SGCD: variants seen among roughly 807,000 people sequenced by gnomAD.
SGCD encodes delta-sarcoglycan.
SGCD carries 18 observed loss-of-function variants against 36.6 expected under a neutral mutation model. That is an observed-to-expected ratio of 0.49 (90% CI 0.34 to 0.73). The LOEUF (loss-of-function observed/expected upper bound fraction) is 0.73. SGCD is among the 30% of genes least tolerant of loss of function. The probability of loss-of-function intolerance (pLI) is 0.01; values close to 1 mark genes in which losing one functional copy is unlikely to be tolerated. For synonymous variants in SGCD, 133 were observed against 130.6 expected, an observed-to-expected ratio of 1.02 and a Z score of -0.12; for missense variants, 387 against 346.7, an observed-to-expected ratio of 1.12 and a Z score of -0.92.
At chr5:156,154,798 A>AT (rs1263328173) in intron 3 of SGCD, among the ~76,000 whole-genome samples, 1 of 151,608 alleles carries the variant, frequency 6.6e-6, no homozygotes, top group Admixed American at 6.5e-5. Context: ...TGATAGAAGT[A>AT]TTTTTTTCAC....
chr5:156,472,771 G>A (rs1177179721), intron 3 of SGCD, among the ~76,000 whole-genome samples: 1 of 152,100 alleles, frequency 6.6e-6, no homozygotes, highest in East Asian at 1.9e-4. Flanking sequence ...AAAGAAACAA[G>A]ACACCAAAGA....
At chr5:155,754,338 AAG>A in the SGCD span, among the ~76,000 whole-genome samples, 1 of 152,238 alleles carries the variant, frequency 6.6e-6, no homozygotes, top group African/African-American at 2.4e-5. Flanking sequence ...GACTATAATT[AAG>A]AGTGAGTTTG....
chr5:156,527,678 T>G (rs1473282294), intron 4 of SGCD, among the ~76,000 whole-genome samples: 2 of 152,190 alleles, frequency 1.3e-5, no homozygotes, highest in East Asian at 1.9e-4. Flanking sequence ...TGTAGCTTTT[T>G]TTTAAGTCAT....
chr5:156,441,824 G>A (rs956405829), intron 3 of SGCD, among the ~76,000 whole-genome samples: 8 of 152,288 alleles, frequency 5.3e-5, no homozygotes, highest in African/African-American at 1.9e-4. Context: ...AACCTTGGGG[G>A]TTAATTTCAT....
At chr5:155,975,777 CTG>C (rs1758101800) in intron 1 of SGCD, among the ~76,000 whole-genome samples, 1 of 150,926 alleles carries the variant, frequency 6.6e-6, no homozygotes, top group African/African-American at 2.4e-5. Context: ...TTACAGGCAC[CTG>C]CTACCATGGC....
chr5:156,096,103 C>T (rs1036866401), intron 1 of SGCD, among the ~76,000 whole-genome samples: 2 of 152,162 alleles, frequency 1.3e-5, no homozygotes, highest in Non-Finnish European at 2.9e-5. Context: ...TCAGCAGCTT[C>T]AAGGAAGTTC....
chr5:156,121,601 G>T (rs529944655), intron 2 of SGCD, among the ~76,000 whole-genome samples: 3 of 152,114 alleles, frequency 2.0e-5, no homozygotes, highest in Admixed American at 1.3e-4. Context: ...TTATGTTACC[G>T]CAATGAGGGG....
At chr5:156,640,083 C>G (rs899604944) in intron 6 of SGCD, among the ~76,000 whole-genome samples, 5 of 152,124 alleles carry the variant, frequency 3.3e-5, no homozygotes, top group African/African-American at 9.7e-5. Flanking sequence ...GCTCAGTGTT[C>G]CATCAGCTTC....
chr5:156,059,313 C>G (rs1760143325), intron 1 of SGCD, among the ~76,000 whole-genome samples: 1 of 146,040 alleles, frequency 6.8e-6, no homozygotes, highest in African/African-American at 2.5e-5. Context: ...TATTTAGCTT[C>G]TTCCTCTGCT....
the SGCD span, among the ~76,000 whole-genome samples, chr5:155,776,117 T>G: frequency 2.0e-5 from 3 of 152,190 alleles, no homozygotes; most frequent in Admixed American, 6.5e-5. Flanking sequence ...GGATTTATTC[T>G]TCACAGATTA....
intron 3 of SGCD, among the ~76,000 whole-genome samples, chr5:156,477,851 C>T (rs1195945371): frequency 1.3e-5 from 2 of 152,104 alleles, no homozygotes; most frequent in African/African-American, 2.4e-5. Flanking sequence ...TGCAGCATCT[C>T]TACAAGAATA....
chr5:156,292,629 T>A (rs141088519), intron 3 of SGCD, among the ~76,000 whole-genome samples: 4 of 152,250 alleles, frequency 2.6e-5, no homozygotes, highest in Admixed American at 6.6e-5. Flanking sequence ...GAAGTAGAAT[T>A]GCTGGATTAT....
chr5:156,260,324 A>G (rs1413432386), intron 3 of SGCD, among the ~76,000 whole-genome samples: 1 of 152,174 alleles, frequency 6.6e-6, no homozygotes, highest in Non-Finnish European at 1.5e-5. Context: ...CCAAAGCTAT[A>G]TATCAATTTA....
At chr5:155,907,526 G>A (rs1250580530) in intron 1 of SGCD, among the ~76,000 whole-genome samples, 1 of 152,090 alleles carries the variant, frequency 6.6e-6, no homozygotes, top group East Asian at 1.9e-4. Context: ...GTAAGAGTTT[G>A]GAAGAAGTTG....
intron 1 of SGCD, among the ~76,000 whole-genome samples, chr5:156,054,959 A>C (rs1314428197): frequency 6.9e-6 from 1 of 144,700 alleles, no homozygotes; most frequent in Non-Finnish European, 1.5e-5. Context: ...CTATTTTTTC[A>C]CTCATTCAGT....
At chr5:156,130,406 G>T (rs1762288800) in intron 3 of SGCD, among the ~76,000 whole-genome samples, 1 of 152,142 alleles carries the variant, frequency 6.6e-6, no homozygotes, top group Admixed American at 6.5e-5. Context: ...TGCATAGTTT[G>T]CAGATATTTT....
chr5:156,330,288 C>T (rs1768006916), intron 2 of SGCD, among the ~76,000 whole-genome samples: 1 of 152,126 alleles, frequency 6.6e-6, no homozygotes, highest in Non-Finnish European at 1.5e-5. Context: ...TTTCAAGCAT[C>T]TTGGATAGTT....
At chr5:155,802,606 G>A in the SGCD span, among the ~76,000 whole-genome samples, 1 of 152,190 alleles carries the variant, frequency 6.6e-6, no homozygotes, top group Non-Finnish European at 1.5e-5. Flanking sequence ...AAAATCATAT[G>A]CTTGCGTATC....
intron 8 of SGCD, 79 bp from the exon 9 acceptor site, chr5:156,759,137 AT>A (rs1224830156): frequency 1.8e-6 from 2 of 1,107,892 alleles, no homozygotes; most frequent in African/African-American, 3.1e-5. Context: ...TGAATTGAAC[AT>A]TCACTTGCTG....
Sources: allele counts gnomAD v4.1 joint callset (sites outside exome capture counted in the v4.1 genomes callset), GRCh38; gene constraint gnomAD v4.1.1; transcripts MANE v1.5; gene names NCBI Gene and HGNC (gene_info 2026-07-23, HGNC 2026-07-21).